Variants in RBFOX1 observed in about 807,000 individuals in gnomAD.
RBFOX1 encodes the protein RNA binding fox-1 homolog 1.
In RBFOX1, 8 loss-of-function variants were observed where a neutral mutation model predicts 57.7. The observed-to-expected ratio is 0.14, with a 90% CI of 0.08 to 0.25. The LOEUF is 0.25. RBFOX1 is among the 10% of genes least tolerant of loss of function. RBFOX1 has a pLI of 1.00. For missense variants in RBFOX1, 611 were observed against 548.5 expected (o/e 1.11, Z -1.14); for synonymous variants, 326 against 222.4 (o/e 1.47, Z -4.15).
chr16:5,320,263 G>C (rs1387007616), intron 1 of RBFOX1, among the ~76,000 whole-genome samples: 1 of 152,192 alleles, frequency 6.6e-6, no homozygotes, highest in Non-Finnish European at 1.5e-5. Flanking sequence ...ACTGTATCTT[G>C]AAGGAAAAGT....
chr16:6,642,007 A>T (rs558303020), intron 2 of RBFOX1, among the ~76,000 whole-genome samples: 1 of 152,286 alleles, frequency 6.6e-6, no homozygotes, highest in Non-Finnish European at 1.5e-5. Context: ...ATTATCCAGG[A>T]GGCTGACCAC....
intron 2 of RBFOX1, among the ~76,000 whole-genome samples, chr16:6,613,066 T>A (rs1234115628): frequency 6.6e-6 from 1 of 150,492 alleles, no homozygotes; most frequent in Non-Finnish European, 1.5e-5. Context: ...TGTTTTGGAA[T>A]TCACAGGATA....
At chr16:6,345,195 G>A (rs564839796) in intron 2 of RBFOX1, among the ~76,000 whole-genome samples, 78 of 152,248 alleles carry the variant, frequency 5.1e-4, no homozygotes, top group African/African-American at 1.7e-3. Flanking sequence ...TTGGCGCTGC[G>A]TCCAGGAGGG....
intron 1 of RBFOX1, among the ~76,000 whole-genome samples, chr16:6,206,778 C>A (rs1406208223): frequency 2.0e-5 from 3 of 152,124 alleles, no homozygotes; most frequent in Non-Finnish European, 2.9e-5. Context: ...GCAGGCTCTC[C>A]CTCCCTTTTA....
chr16:7,268,821 G>A (rs1162977255), intron 4 of RBFOX1, among the ~76,000 whole-genome samples: 1 of 151,890 alleles, frequency 6.6e-6, no homozygotes, highest in African/African-American at 2.4e-5. Context: ...GGCGGATCAC[G>A]AGGTCAGGAG....
chr16:6,794,522 T>C (rs968652047), intron 3 of RBFOX1, among the ~76,000 whole-genome samples: 5 of 152,184 alleles, frequency 3.3e-5, no homozygotes, highest in Admixed American at 6.5e-5. Flanking sequence ...GGTCATTTTA[T>C]AAGTTCCTAA....
At chr16:6,099,308 G>C (rs186269257) in intron 1 of RBFOX1, among the ~76,000 whole-genome samples, 1 of 152,174 alleles carries the variant, frequency 6.6e-6, no homozygotes, top group African/African-American at 2.4e-5. Context: ...ATGATTTCAT[G>C]ATGACGTCAG....
At chr16:6,737,931 A>T (rs2154179874) in intron 3 of RBFOX1, among the ~76,000 whole-genome samples, 1 of 152,326 alleles carries the variant, frequency 6.6e-6, no homozygotes, top group Middle Eastern at 3.4e-3. Context: ...GTTAAATAAG[A>T]TAATGAGTAA....
rs539911730 is a variant in RBFOX1, at chr16:7,394,268, A to G, written c.28-123879A>G. 2.8e-3 allele frequency among the ~76,000 whole-genome samples: 408 copies of G among 145,138 alleles called. 2 individuals carry two copies. The highest frequency in any genetic ancestry group is 9.8e-3 in the African/African-American group (386 of 39,270). On this transcript the variant is annotated intron_variant, in intron 4 of 15. Coordinates refer to ENST00000550418, the MANE Select transcript of RBFOX1 (RefSeq NM_018723.4). Reference sequence around the variant, plus strand: ...AAAAAAAAAAAAAAAAAAAAAAGAGAGAAAGAAATAAAAAATAGTCATAGA... The same window carrying G: ...AAAAAAAAAAAAAAAAAAAAAAGAGGGAAAGAAATAAAAAATAGTCATAGA...
intron 2 of RBFOX1, among the ~76,000 whole-genome samples, chr16:6,342,824 C>T (rs1020099274): frequency 6.6e-6 from 1 of 152,118 alleles, no homozygotes. Context: ...TGCTAATCAC[C>T]TTGACATTTT....
intron 4 of RBFOX1, among the ~76,000 whole-genome samples, chr16:7,073,752 A>C (rs115785280): frequency 6.6e-6 from 1 of 152,136 alleles, no homozygotes; most frequent in Non-Finnish European, 1.5e-5. Context: ...GGTACCAGTT[A>C]CTCAGGGGGC....
intron 4 of RBFOX1, among the ~76,000 whole-genome samples, chr16:5,981,379 C>CA (rs2060169393): frequency 6.6e-6 from 1 of 152,166 alleles, no homozygotes; most frequent in Non-Finnish European, 1.5e-5. Context: ...TTTGGAAAAA[C>CA]AAACTTCCCA....
At chr16:5,905,826 C>A (rs530084036) in intron 4 of RBFOX1, among the ~76,000 whole-genome samples, 3 of 152,300 alleles carry the variant, frequency 2.0e-5, no homozygotes, top group African/African-American at 7.2e-5. Flanking sequence ...ACTCCCAAGC[C>A]CCAGCAAAGT....
intron 3 of RBFOX1, among the ~76,000 whole-genome samples, chr16:6,935,189 A>G (rs1567961449): frequency 6.6e-6 from 1 of 152,212 alleles, no homozygotes; most frequent in Non-Finnish European, 1.5e-5. Context: ...TCGAAGTGAG[A>G]TAATAATACA....
intron 1 of RBFOX1, among the ~76,000 whole-genome samples, chr16:5,446,954 C>T (rs1009690335): frequency 1.3e-5 from 2 of 152,164 alleles, no homozygotes; most frequent in African/African-American, 4.8e-5. Flanking sequence ...TAACAACTCC[C>T]ACACAGTCAT....
intron 4 of RBFOX1, among the ~76,000 whole-genome samples, chr16:7,181,883 C>A (rs1039264354): frequency 6.6e-6 from 1 of 152,070 alleles, no homozygotes; most frequent in African/African-American, 2.4e-5. Context: ...CTTTCTGAGT[C>A]ACCATATGTG....
At chr16:7,216,300 G>A (rs762500064) in intron 4 of RBFOX1, among the ~76,000 whole-genome samples, 1 of 151,412 alleles carries the variant, frequency 6.6e-6, no homozygotes, top group Non-Finnish European at 1.5e-5. Context: ...CAGAAATCCA[G>A]CTAGTCTTTT....
chr16:7,446,796 G>GT (rs1567209136), intron 4 of RBFOX1, among the ~76,000 whole-genome samples: 2 of 109,464 alleles, frequency 1.8e-5, no homozygotes, highest in African/African-American at 3.6e-5. Context: ...GTAGGTCTAG[G>GT]TATTTTTTTT....
intron 3 of RBFOX1, among the ~76,000 whole-genome samples, chr16:6,753,035 C>T (rs1205750185): frequency 1.3e-5 from 2 of 151,740 alleles, no homozygotes; most frequent in Non-Finnish European, 2.9e-5. Flanking sequence ...TTTATTGTAA[C>T]TTTTTCATAG....
Sources: allele counts gnomAD v4.1 joint callset (sites outside exome capture counted in the v4.1 genomes callset), GRCh38; gene constraint gnomAD v4.1.1; transcripts MANE v1.5; gene names NCBI Gene and HGNC (gene_info 2026-07-23, HGNC 2026-07-21).